Variants in GRAMD2A observed in about 807,000 individuals in gnomAD.
GRAMD2A encodes the protein GRAM domain-containing protein 2A.
In GRAMD2A, 37 loss-of-function variants were observed where a neutral mutation model predicts 51.1. That is an observed-to-expected ratio of 0.72 (90% CI 0.56 to 0.95). The LOEUF is 0.95. Ranked by LOEUF, GRAMD2A falls within the 40% of genes least tolerant of loss-of-function variation. The pLI is 0.00. For synonymous variants in GRAMD2A, 136 were observed against 157.1 expected (o/e 0.87, Z 1.01); for missense variants, 414 against 426.9 (o/e 0.97, Z 0.27).
intron 1 of GRAMD2A, among the ~76,000 whole-genome samples, chr15:72,171,011 A>G (rs2081605178): frequency 6.6e-6 from 1 of 152,192 alleles, no homozygotes; most frequent in African/African-American, 2.4e-5. Flanking sequence ...ACCCGCTCCC[A>G]CCATACCATT....
chr15:72,169,774 C>T lies in GRAMD2A; in HGVS notation c.134+73G>A, dbSNP rs545873922. The stretch of plus-strand genomic sequence containing the variant: ...CCGGCTCTGCCTTGAGGTCCTCTTA[C>T]AAACAGGTCACTTCCTGAGGGCTTC... On this transcript the variant is annotated intron_variant, in intron 2 of 11. Coordinates refer to ENST00000309731, the MANE Select transcript of GRAMD2A (RefSeq NM_001012642.3). 4.4e-4 allele frequency: 564 copies of T among 1,267,596 alleles called. 1 individual carries two copies. The highest frequency in any genetic ancestry group is 6.3e-4 in the Non-Finnish European group (546 of 864,876). 78.5% of individuals were successfully genotyped at this position (1,267,596 alleles called of 1,614,324 possible).
chr15:72,174,149 T>A (rs2081634829), intron 1 of GRAMD2A, among the ~76,000 whole-genome samples: 1 of 152,178 alleles, frequency 6.6e-6, no homozygotes, highest in Non-Finnish European at 1.5e-5. Flanking sequence ...TAGTGGTGTC[T>A]TCTCCCCTGT....
At chr15:72,181,437 G>C (rs565063551) in intron 1 of GRAMD2A, among the ~76,000 whole-genome samples, 1 of 152,194 alleles carries the variant, frequency 6.6e-6, no homozygotes, top group Non-Finnish European at 1.5e-5. Context: ...TGATACATAC[G>C]TGGGGATCCA....
intron 1 of GRAMD2A, among the ~76,000 whole-genome samples, chr15:72,194,317 A>G (rs920484986): frequency 3.3e-5 from 5 of 152,254 alleles, no homozygotes; most frequent in African/African-American, 1.2e-4. Flanking sequence ...GGGTAGCCAC[A>G]GCAAAGGAGA....
At position 72,159,830 on chromosome 15, in the gene GRAMD2A, A is replaced by AT. The variant is rs1048010586; in HGVS notation, c.*2178dup. The AT allele has an allele frequency of 5.4e-4, 82 of 152,366 alleles. No individual in the cohort carries two copies. Among genetic ancestry groups the AT allele is most frequent in the African/African-American group, 1.9e-3 (81 of 41,588 alleles). 9.4% of individuals were successfully genotyped at this position (152,366 alleles called of 1,614,324 possible). ...ATACACTAGAAAAATCAAGTTTTTTATTTTAAAATATTTTCAAAGGCTAAG... is the reference window on the plus strand; with the variant it reads ...ATACACTAGAAAAATCAAGTTTTTTATTTTTAAAATATTTTCAAAGGCTAAG... On this transcript the variant is annotated 3_prime_UTR_variant, in exon 12 of 12. Coordinates refer to ENST00000309731, the MANE Select transcript of GRAMD2A (RefSeq NM_001012642.3).
At position 72,189,928 on chromosome 15, in the gene GRAMD2A, C is replaced by T. The variant is rs76610668; in HGVS notation, c.41+7803G>A. Among the ~76,000 whole-genome samples, 4 of 152,262 alleles carry T rather than the reference C, an allele frequency of 2.6e-5. No individual in the cohort carries two copies. In the East Asian group the frequency reaches 7.7e-4, roughly 29 times the overall value. Reference sequence around the variant, plus strand: ...AAACCAAACCCTTACTCAGTGTTATCCATATCAAGAAACTCCATATAAAGA... The same window carrying T: ...AAACCAAACCCTTACTCAGTGTTATTCATATCAAGAAACTCCATATAAAGA... On this transcript the variant is annotated intron_variant, in intron 1 of 11. Transcript: ENST00000309731.
chr15:72,163,396 T>C lies in GRAMD2A; in HGVS notation c.826A>G (p.Lys276Glu), dbSNP rs888954947. The part of the protein sequence containing the change: ...PMPGWGPACP[K>E]KMPNCSPTAK... ...GTGGGAGAGCAGTTCGGCATCTTCTTAGGGCAGGCAGGACCCCAGCCTGGC... is the reference window on the plus strand; with the variant it reads ...GTGGGAGAGCAGTTCGGCATCTTCTCAGGGCAGGCAGGACCCCAGCCTGGC... Residue 276 changes from lysine (K) to glutamate (E), a missense_variant, in exon 10 of 12, where the codon AAG becomes GAG. Coordinates refer to ENST00000309731, the MANE Select transcript of GRAMD2A (RefSeq NM_001012642.3). The C allele has an allele frequency of 6.2e-7, 1 of 1,614,146 alleles. No homozygotes were observed. The highest frequency in any genetic ancestry group is 8.5e-7 in the Non-Finnish European group (1 of 1,179,980).
chr15:72,184,891 A>G (rs2081724217), intron 1 of GRAMD2A, among the ~76,000 whole-genome samples: 2 of 152,218 alleles, frequency 1.3e-5, no homozygotes, highest in South Asian at 4.1e-4. Flanking sequence ...ACAACACATA[A>G]TCAACCGACA....
intron 1 of GRAMD2A, among the ~76,000 whole-genome samples, chr15:72,191,492 C>T (rs1293337120): frequency 2.0e-5 from 3 of 152,058 alleles, no homozygotes; most frequent in African/African-American, 7.2e-5. Flanking sequence ...CAGGACCCAC[C>T]GTGCCCAGCT....
intron 1 of GRAMD2A, among the ~76,000 whole-genome samples, chr15:72,177,195 T>G (rs1286654172): frequency 6.6e-6 from 1 of 151,730 alleles, no homozygotes; most frequent in East Asian, 1.9e-4. Context: ...AAATGATGCC[T>G]GAGCTCTGTC....
At position 72,163,695 on chromosome 15, in the gene GRAMD2A, G is replaced by T. The variant is rs1405717865; in HGVS notation, c.663C>A (p.Leu221=). The change falls in exon 9 of 12, where the codon CTC becomes CTA. Residue 221 remains leucine, a synonymous_variant. Coordinates refer to ENST00000309731, the MANE Select transcript of GRAMD2A (RefSeq NM_001012642.3). ...KVCPSSRSLS[L]PDNIPCIPPS... Reference sequence around the variant, plus strand: ...GAGGGATACAAGGGATGTTGTCTGGGAGAGACAGGGACCTGGAGGAAGGGC... The same window carrying T: ...GAGGGATACAAGGGATGTTGTCTGGTAGAGACAGGGACCTGGAGGAAGGGC... 3.7e-6 allele frequency: 6 copies of T among 1,609,280 alleles called. No individual in the cohort carries two copies. The highest frequency in any genetic ancestry group is 5.1e-6 in the Non-Finnish European group (6 of 1,178,762).
chr15:72,182,219 G>C (rs561876553), intron 1 of GRAMD2A, among the ~76,000 whole-genome samples: 1 of 151,944 alleles, frequency 6.6e-6, no homozygotes, highest in South Asian at 2.1e-4. Context: ...ACAAAAATCA[G>C]CTGGGCGTGG....
rs564137206 is a variant in GRAMD2A at position 72,162,397 on chromosome 15, G to A, written c.957-20C>T. ...CAGATCCTGAAGAAAGCGGCAATAC[G>A]GAGTTAAATATTTCTTCCACAGAAA... On this transcript the variant is annotated intron_variant, in intron 10 of 11. Transcript: ENST00000309731. 9.1e-6 allele frequency: 14 copies of A among 1,534,636 alleles called. No homozygotes were observed. Among genetic ancestry groups the A allele is most frequent in the African/African-American group, 5.5e-5 (4 of 73,258 alleles).
At chr15:72,184,713 G>C (rs1168520927) in intron 1 of GRAMD2A, among the ~76,000 whole-genome samples, 2 of 152,234 alleles carry the variant, frequency 1.3e-5, no homozygotes, top group African/African-American at 4.8e-5. Flanking sequence ...ACCCCAGATT[G>C]TCTAACTGCG....
At chr15:72,168,443 C>A in intron 4 of GRAMD2A, 48 bp downstream of exon 4, 1 of 1,409,352 alleles carries the variant, frequency 7.1e-7, no homozygotes, top group Non-Finnish European at 1.0e-6. Flanking sequence ...AGGCCCCTGG[C>A]CCCAGGCACT....
intron 1 of GRAMD2A, among the ~76,000 whole-genome samples, chr15:72,184,365 G>A (rs1304567760): frequency 1.3e-5 from 2 of 152,254 alleles, no homozygotes; most frequent in African/African-American, 4.8e-5. Context: ...GATCCCGCCC[G>A]GCTGGCCCCA....
chr15:72,161,925 A>G lies in GRAMD2A; in HGVS notation c.*84T>C, dbSNP rs2081479843. Reference sequence around the variant, plus strand: ...TAGGCAGTCTTAGCACAGCAGCAGCATAAACCACAGGGATCATTGGTGGAG... The same window carrying G: ...TAGGCAGTCTTAGCACAGCAGCAGCGTAAACCACAGGGATCATTGGTGGAG... On this transcript the variant is annotated 3_prime_UTR_variant, in exon 12 of 12. Transcript: ENST00000309731. 3 of 1,449,938 alleles carry G rather than the reference A, an allele frequency of 2.1e-6. No individual in the cohort carries two copies. The highest frequency in any genetic ancestry group is 2.9e-6 in the Non-Finnish European group (3 of 1,030,096). The allele number at this position is 1,449,938 out of a possible 1,614,324, so 89.8% of individuals were successfully genotyped here.
intron 1 of GRAMD2A, among the ~76,000 whole-genome samples, chr15:72,179,076 G>A (rs553874896): frequency 2.0e-5 from 3 of 152,252 alleles, no homozygotes; most frequent in Admixed American, 6.5e-5. Context: ...CCAGAGGGGC[G>A]GGAACTCAAC....
At chr15:72,167,221 T>C (rs983645268) in intron 5 of GRAMD2A, 129 bp from the exon 6 acceptor site, 1 of 694,594 alleles carries the variant, frequency 1.4e-6, no homozygotes, top group African/African-American at 1.8e-5. Context: ...TGTGGGGAAG[T>C]CTCTGAACCT....
Sources: gnomAD v4.1 joint callset for allele counts (sites outside exome capture counted in the v4.1 genomes callset) on GRCh38, gnomAD v4.1.1 for gene constraint, MANE v1.5 for transcripts, NCBI Gene and HGNC (gene_info 2026-07-23, HGNC 2026-07-21) for gene names.